The following ARIH1 variants were observed in gnomAD, a reference collection of about 807,000 sequenced individuals.
The protein encoded by ARIH1 is E3 ubiquitin-protein ligase ARIH1.
In ARIH1, 8 loss-of-function variants were observed where a neutral mutation model predicts 85.0. The observed-to-expected ratio is 0.09, with a 90% CI of 0.06 to 0.17. The LOEUF is 0.17. Ranked by LOEUF, ARIH1 falls within the 10% of genes least tolerant of loss-of-function variation. ARIH1 has a pLI of 1.00. For missense variants in ARIH1, 311 were observed against 718.1 expected (o/e 0.43, Z 6.48); for synonymous variants, 238 against 253.6 (o/e 0.94, Z 0.59).
rs2064351217 is a variant in ARIH1 at position 72,593,552 on chromosome 15, C to T, written c.*10260C>T. 1 of 152,068 alleles carries T rather than the reference C, an allele frequency of 6.6e-6. No individual in the cohort carries two copies. The highest frequency in any genetic ancestry group is 1.5e-5 in the Non-Finnish European group (1 of 68,014). 9.4% of individuals were successfully genotyped at this position (152,068 alleles called of 1,614,324 possible). ...TTTCCAACATGGATATACAGTTGTT[C>T]CAGCAACATTTACTTAAAAAGACTT... On this transcript the variant is annotated 3_prime_UTR_variant, in exon 14 of 14. Transcript: ENST00000379887.
At chr15:72,487,725 A>G (rs1434119934) in intron 1 of ARIH1, among the ~76,000 whole-genome samples, 1 of 151,918 alleles carries the variant, frequency 6.6e-6, no homozygotes, top group East Asian at 1.9e-4. Flanking sequence ...CTAGTTTAGG[A>G]CCTTTTTATT....
chr15:72,494,202 C>A (rs1047548624), intron 1 of ARIH1, among the ~76,000 whole-genome samples: 6 of 152,100 alleles, frequency 3.9e-5, no homozygotes, highest in Admixed American at 6.5e-5. Flanking sequence ...GCTGAGATTT[C>A]TTTAGCTGCC....
intron 4 of ARIH1, among the ~76,000 whole-genome samples, chr15:72,555,578 A>T (rs1042220880): frequency 1.3e-5 from 2 of 152,220 alleles, no homozygotes; most frequent in Non-Finnish European, 2.9e-5. Flanking sequence ...CAATATTGGT[A>T]TATGTTAACT....
chr15:72,575,614 A>G (rs188509795), intron 11 of ARIH1, among the ~76,000 whole-genome samples: 295 of 148,610 alleles, frequency 2.0e-3, no homozygotes, highest in African/African-American at 7.0e-3. Flanking sequence ...TTCTTTTTTC[A>G]TGTTGAATTT....
intron 1 of ARIH1, among the ~76,000 whole-genome samples, chr15:72,481,786 A>G (rs1461771655): frequency 1.3e-5 from 2 of 152,176 alleles, no homozygotes; most frequent in South Asian, 2.1e-4. Flanking sequence ...GCTATCCTTC[A>G]TGCTATGCTA....
At chr15:72,570,085 AAAAC>A (rs779361710) in intron 9 of ARIH1, 88 bp from the exon 10 acceptor site, 1 of 1,465,190 alleles carries the variant, frequency 6.8e-7, no homozygotes, top group Non-Finnish European at 9.3e-7. Context: ...AAAATGTTTA[AAAAC>A]AAACCAAATC....
chr15:72,530,316 T>TG (rs2064050260), intron 2 of ARIH1, among the ~76,000 whole-genome samples: 2 of 152,220 alleles, frequency 1.3e-5, no homozygotes, highest in South Asian at 4.1e-4. Context: ...CAGTCCTTGT[T>TG]GCTCTAGCAG....
intron 3 of ARIH1, among the ~76,000 whole-genome samples, chr15:72,552,099 CCT>C (rs1325195711): frequency 2.6e-5 from 4 of 152,024 alleles, no homozygotes; most frequent in African/African-American, 9.7e-5. Context: ...TATAATGTCA[CCT>C]CTACAGATTT....
rs1330124537 is a variant in ARIH1, at chr15:72,590,741, C to G, written c.*7449C>G. On this transcript the variant is annotated 3_prime_UTR_variant, in exon 14 of 14. Transcript: ENST00000379887. ...AGGACTATAGGTGCATGCCACCATG[C>G]CCAGCTGACAATGGCTTTATATACA... 6.6e-6 allele frequency: 1 copy of G among 152,204 alleles called. No individual in the cohort carries two copies. Among genetic ancestry groups the G allele is most frequent in the Non-Finnish European group, 1.5e-5 (1 of 68,068 alleles). The allele number at this position is 152,204 out of a possible 1,614,324, so 9.4% of individuals were successfully genotyped here. A position where few individuals can be genotyped will look rare whatever the true frequency, so the allele number is the denominator to read the frequency against.
intron 11 of ARIH1, among the ~76,000 whole-genome samples, chr15:72,574,897 C>G (rs1403719043): frequency 9.0e-6 from 1 of 111,562 alleles, no homozygotes; most frequent in East Asian, 3.3e-4. Flanking sequence ...TAGTAAGACC[C>G]CCCCGCCGCC....
intron 1 of ARIH1, among the ~76,000 whole-genome samples, chr15:72,483,310 A>G (rs1195775392): frequency 6.6e-6 from 1 of 152,234 alleles, no homozygotes; most frequent in Non-Finnish European, 1.5e-5. Flanking sequence ...GTGGCTGACA[A>G]CACAGTAGCT....
intron 1 of ARIH1, among the ~76,000 whole-genome samples, chr15:72,493,748 C>G (rs1410875731): frequency 2.0e-5 from 3 of 152,002 alleles, no homozygotes; most frequent in Non-Finnish European, 4.4e-5. Flanking sequence ...TTTCTTCATT[C>G]TATGTACAAA....
In ARIH1 at chr15:72,587,398, C is replaced by A. The variant is rs1188474848; in HGVS notation, c.*4106C>A. ...TTGCTCTATACTATCTCTGATCTTT[C>A]ATTTGTTGCAGTTTGCAACACAGTA... On this transcript the variant is annotated 3_prime_UTR_variant, in exon 14 of 14. Coordinates refer to ENST00000379887, the MANE Select transcript of ARIH1 (RefSeq NM_005744.5). 1 of 361,748 alleles carries A rather than the reference C, an allele frequency of 2.8e-6. No homozygotes were observed. Among genetic ancestry groups the A allele is most frequent in the African/African-American group, 2.2e-5 (1 of 46,190 alleles). 22.4% of individuals were successfully genotyped at this position (361,748 alleles called of 1,614,324 possible). A position where few individuals can be genotyped will look rare whatever the true frequency, so the allele number is the denominator to read the frequency against.
At chr15:72,561,924 G>A (rs1037168531) in intron 6 of ARIH1, among the ~76,000 whole-genome samples, 1 of 152,220 alleles carries the variant, frequency 6.6e-6, no homozygotes, top group African/African-American at 2.4e-5. Context: ...AGTGAGCCGA[G>A]ATGGCGCCAC....
intron 2 of ARIH1, among the ~76,000 whole-genome samples, chr15:72,526,421 A>G (rs1238421365): frequency 1.3e-5 from 2 of 151,946 alleles, no homozygotes; most frequent in Non-Finnish European, 2.9e-5. Flanking sequence ...AATGAATGTG[A>G]TTTTTTCTTT....
At chr15:72,505,319 G>T (rs1035101804) in intron 1 of ARIH1, among the ~76,000 whole-genome samples, 2 of 151,916 alleles carry the variant, frequency 1.3e-5, no homozygotes, top group African/African-American at 4.8e-5. Context: ...ATTTCTTTTT[G>T]AATATTACCA....
chr15:72,530,622 C>T (rs533908798), intron 2 of ARIH1, among the ~76,000 whole-genome samples: 28 of 152,236 alleles, frequency 1.8e-4, no homozygotes, highest in Admixed American at 1.0e-3. Context: ...CTAATTAAAA[C>T]ATAACAACCT....
At chr15:72,514,516 G>C (rs904494410) in intron 1 of ARIH1, among the ~76,000 whole-genome samples, 1 of 151,758 alleles carries the variant, frequency 6.6e-6, no homozygotes, top group African/African-American at 2.4e-5. Context: ...GACCAGCTTG[G>C]GCGGTATACA....
intron 2 of ARIH1, among the ~76,000 whole-genome samples, chr15:72,531,762 C>G (rs2064058255): frequency 6.6e-6 from 1 of 152,090 alleles, no homozygotes; most frequent in Non-Finnish European, 1.5e-5. Flanking sequence ...AGAAAATAAA[C>G]CTTACCTAGA....
Sources: allele counts gnomAD v4.1 joint callset (sites outside exome capture counted in the v4.1 genomes callset), GRCh38; gene constraint gnomAD v4.1.1; transcripts MANE v1.5; gene names NCBI Gene and HGNC (gene_info 2026-07-23, HGNC 2026-07-21).